Variants in HAVCR1 observed in about 807,000 individuals in gnomAD.
The protein encoded by HAVCR1 is hepatitis A virus cellular receptor 1, also known as T cell immunoglobin domain and mucin domain protein 1.
A neutral mutation model predicts 32.0 loss-of-function variants in HAVCR1; 34 were observed. The ratio of observed to expected loss-of-function variants is 1.06; its 90% CI spans 0.81 to 1.42. HAVCR1 has a LOEUF of 1.42. HAVCR1 is among the 40% of genes most tolerant of loss of function. The pLI is 0.00. For synonymous variants in HAVCR1, 178 were observed against 170.3 expected, an observed-to-expected ratio of 1.05 and a Z score of -0.35; for missense variants, 420 against 442.3, an observed-to-expected ratio of 0.95 and a Z score of 0.45.
chr5:157,040,728 C>T (rs1754840153), intron 6 of HAVCR1, among the ~76,000 whole-genome samples: 2 of 151,974 alleles, frequency 1.3e-5, no homozygotes, highest in Non-Finnish European at 2.9e-5. Context: ...GGTGAAATTC[C>T]ATCTCTACTA....
At chr5:157,065,877 T>A in the HAVCR1 span, among the ~76,000 whole-genome samples, 2 of 148,340 alleles carry the variant, frequency 1.3e-5, no homozygotes, top group Non-Finnish European at 3.0e-5. Context: ...TAATTAATTT[T>A]AAAAAAATTT....
intron 5 of HAVCR1, among the ~76,000 whole-genome samples, chr5:157,046,220 G>C (rs1045018762): frequency 1.3e-5 from 2 of 152,172 alleles, no homozygotes; most frequent in African/African-American, 4.8e-5. Flanking sequence ...ATTGGCAACA[G>C]CTGAGTACAA....
chr5:157,068,342 G>C, the HAVCR1 span, among the ~76,000 whole-genome samples: 2 of 152,230 alleles, frequency 1.3e-5, no homozygotes, highest in East Asian at 3.9e-4. Context: ...CCAGCCCTTT[G>C]GGAGGCCGAT....
chr5:157,057,447 GA>G (rs1756267159), intron 2 of HAVCR1, among the ~76,000 whole-genome samples: 2 of 123,830 alleles, frequency 1.6e-5, no homozygotes, highest in African/African-American at 2.8e-5. Flanking sequence ...AAGAAAGAAA[GA>G]AAGAAAGAAA....
chr5:157,031,443 C>A (rs1004488363), intron 8 of HAVCR1, among the ~76,000 whole-genome samples: 1 of 152,086 alleles, frequency 6.6e-6, no homozygotes, highest in Non-Finnish European at 1.5e-5. Context: ...AGCAGGCTGG[C>A]TGGCTTTAGA....
chr5:157,040,293 T>A (rs556637016), intron 6 of HAVCR1, among the ~76,000 whole-genome samples: 13 of 142,470 alleles, frequency 9.1e-5, no homozygotes, highest in Non-Finnish European at 1.9e-4. Flanking sequence ...AGTGAAACTC[T>A]GTCTCAAAAA....
intron 1 of HAVCR1, 87 bp from the exon 2 acceptor site, chr5:157,058,042 T>G: frequency 2.1e-6 from 2 of 934,206 alleles, no homozygotes; most frequent in South Asian, 1.4e-5. Flanking sequence ...GCAACTTATC[T>G]TTTCACCCAG....
intron 3 of HAVCR1, among the ~76,000 whole-genome samples, chr5:157,054,494 C>T (rs934888834): frequency 5.3e-5 from 8 of 152,054 alleles, no homozygotes; most frequent in African/African-American, 1.9e-4. Flanking sequence ...AACAGCGAGA[C>T]TCTGTCTCAA....
chr5:157,056,605 T>A (rs71591087), intron 2 of HAVCR1, among the ~76,000 whole-genome samples: 4 of 150,950 alleles, frequency 2.6e-5, no homozygotes, highest in Non-Finnish European at 1.5e-5. Flanking sequence ...TGGTCTCGAT[T>A]TCCTGACCTC....
At chr5:157,039,886 C>T (rs1224196096) in intron 6 of HAVCR1, among the ~76,000 whole-genome samples, 3 of 152,156 alleles carry the variant, frequency 2.0e-5, no homozygotes, top group Non-Finnish European at 4.4e-5. Context: ...GACATCTTGA[C>T]ATCTTCAGTC....
At chr5:157,048,246 C>T (rs1343373117) in intron 5 of HAVCR1, among the ~76,000 whole-genome samples, 1 of 152,078 alleles carries the variant, frequency 6.6e-6, no homozygotes, top group Admixed American at 6.6e-5. Context: ...CATCAGAGGG[C>T]TGGATTTAAT....
At chr5:157,042,437 G>C (rs574323908) in intron 6 of HAVCR1, among the ~76,000 whole-genome samples, 190 bp downstream of exon 6, 1 of 58,538 alleles carries the variant, frequency 1.7e-5, no homozygotes, top group Non-Finnish European at 3.1e-5. Flanking sequence ...GCAAGACTCC[G>C]TCTCAAAAAA....
the HAVCR1 span, among the ~76,000 whole-genome samples, chr5:157,065,650 T>C: frequency 1.3e-4 from 19 of 151,694 alleles, no homozygotes; most frequent in Admixed American, 1.2e-3. Context: ...AGGTCAGGAG[T>C]TCCAGGCCAG....
chr5:157,063,577 C>T (rs79802755), upstream of HAVCR1, among the ~76,000 whole-genome samples: 10,818 of 152,224 alleles, frequency 0.071, 1,050 homozygotes, highest in African/African-American at 0.22. Context: ...GAGCACCACT[C>T]CTGGCCTCAT....
upstream of HAVCR1, among the ~76,000 whole-genome samples, chr5:157,061,443 G>T (rs949745381): frequency 6.6e-6 from 1 of 152,168 alleles, no homozygotes; most frequent in Non-Finnish European, 1.5e-5. Flanking sequence ...AGCCAGGCAT[G>T]GTTGCTCACA....
intron 8 of HAVCR1, among the ~76,000 whole-genome samples, chr5:157,032,301 C>T (rs1262539829): frequency 6.6e-6 from 1 of 152,038 alleles, no homozygotes; most frequent in African/African-American, 2.4e-5. Context: ...GGCAGATCAC[C>T]GGAGGTCAGG....
intron 3 of HAVCR1, among the ~76,000 whole-genome samples, chr5:157,053,338 G>C (rs1422772544): frequency 6.9e-6 from 1 of 145,402 alleles, no homozygotes; most frequent in Non-Finnish European, 1.5e-5. Context: ...AGTAGAGACT[G>C]GGCCACTGCA....
At chr5:157,067,842 AAT>A in the HAVCR1 span, among the ~76,000 whole-genome samples, 1 of 152,040 alleles carries the variant, frequency 6.6e-6, no homozygotes, top group Admixed American at 6.6e-5. Flanking sequence ...ACACCCAGCT[AAT>A]TTTTTGTATT....
At chr5:157,050,372 T>C (rs1755667100) in intron 4 of HAVCR1, among the ~76,000 whole-genome samples, 1 of 152,142 alleles carries the variant, frequency 6.6e-6, no homozygotes, top group Non-Finnish European at 1.5e-5. Context: ...CCTACAACCA[T>C]ACATACAATT....
Sources: allele counts gnomAD v4.1 joint callset (sites outside exome capture counted in the v4.1 genomes callset), GRCh38; gene constraint gnomAD v4.1.1; transcripts MANE v1.5; gene names NCBI Gene and HGNC (gene_info 2026-07-23, HGNC 2026-07-21).